Variants in EIF2B3 observed in about 807,000 individuals in gnomAD.
The protein encoded by EIF2B3 is eukaryotic translation initiation factor 2B subunit gamma.
In EIF2B3, 20 loss-of-function variants were observed where a neutral mutation model predicts 54.1. The ratio of observed to expected loss-of-function variants is 0.37; its 90% CI spans 0.26 to 0.54. EIF2B3 has a LOEUF of 0.54. EIF2B3 is among the 20% of genes least tolerant of loss of function. The pLI is 0.86. For missense variants in EIF2B3, 448 were observed against 547.8 expected (o/e 0.82, Z 1.82); for synonymous variants, 153 against 188.1 (o/e 0.81, Z 1.52).
intron 5 of EIF2B3, among the ~76,000 whole-genome samples, chr1:44,925,989 G>A (rs263981): frequency 0.25 from 38,542 of 151,676 alleles, 6,157 homozygotes; most frequent in African/African-American, 0.46. Flanking sequence ...GCACTTTGGG[G>A]GGCCGAGGTG....
At chr1:44,957,220 C>G (rs1009658002) in intron 3 of EIF2B3, among the ~76,000 whole-genome samples, 1 of 152,108 alleles carries the variant, frequency 6.6e-6, no homozygotes. Flanking sequence ...AAGGCGAGAT[C>G]GTGCCATGGC....
At chr1:44,885,707 C>T (rs1040888886) in intron 6 of EIF2B3, among the ~76,000 whole-genome samples, 1 of 151,828 alleles carries the variant, frequency 6.6e-6, no homozygotes, top group African/African-American at 2.4e-5. Context: ...GATCAAAATA[C>T]CTCTATAACA....
chr1:44,926,332 C>CT (rs371362827), intron 5 of EIF2B3, among the ~76,000 whole-genome samples: 32 of 148,546 alleles, frequency 2.2e-4, no homozygotes, highest in African/African-American at 5.9e-4. Flanking sequence ...TTTTTTACCA[C>CT]TTTTTTTTTT....
chr1:44,895,088 G>A (rs1655922285), intron 6 of EIF2B3, among the ~76,000 whole-genome samples: 1 of 152,114 alleles, frequency 6.6e-6, no homozygotes, highest in South Asian at 2.1e-4. Context: ...TTTGATTGTA[G>A]CGACTCTGAG....
rs964464593 is a variant in EIF2B3, at chr1:44,857,285, T to C, written c.1306+419A>G. 2.6e-5 allele frequency among the ~76,000 whole-genome samples: 4 copies of C among 152,192 alleles called. No homozygotes were observed. In the South Asian group the frequency reaches 8.3e-4, roughly 32 times the overall value. ...TGGCTTACGCCTGTAATCCCAGCAC[T>C]TTGGGAGGCTGAGGTGGGCAGTTCT... On this transcript the variant is annotated intron_variant, in intron 11 of 11. Coordinates refer to ENST00000360403, the MANE Select transcript of EIF2B3 (RefSeq NM_020365.5).
chr1:44,866,799 C>T (rs999808779), intron 10 of EIF2B3, among the ~76,000 whole-genome samples: 35 of 152,334 alleles, frequency 2.3e-4, no homozygotes, highest in African/African-American at 7.9e-4. Flanking sequence ...AGGTGATTGG[C>T]CCGCCTTGGC....
intron 5 of EIF2B3, among the ~76,000 whole-genome samples, chr1:44,925,773 A>G (rs1643838660): frequency 1.3e-5 from 2 of 151,994 alleles, no homozygotes; most frequent in Non-Finnish European, 2.9e-5. Flanking sequence ...AAAATACAAA[A>G]ATTAGCTGGG....
intron 4 of EIF2B3, among the ~76,000 whole-genome samples, chr1:44,940,151 T>C (rs1557695586): frequency 1.3e-5 from 2 of 152,180 alleles, no homozygotes; most frequent in Non-Finnish European, 2.9e-5. Flanking sequence ...CCTAAAATAT[T>C]AACTAGATTA....
At chr1:44,878,252 T>G (rs1416253766) in intron 8 of EIF2B3, among the ~76,000 whole-genome samples, 1 of 151,942 alleles carries the variant, frequency 6.6e-6, no homozygotes, top group Non-Finnish European at 1.5e-5. Context: ...TCTTCAGGAG[T>G]CAATCCCAAT....
chr1:44,942,380 TATATATATATATATATATATA>T (rs1644034118), intron 3 of EIF2B3, among the ~76,000 whole-genome samples: 1 of 8,548 alleles, frequency 1.2e-4, no homozygotes, highest in African/African-American at 7.7e-4. Flanking sequence ...TCTGATTTTA[TATATATATATATATATATATA>T]TATATATATA....
At chr1:44,919,715 C>CA (rs1553174181) in intron 5 of EIF2B3, among the ~76,000 whole-genome samples, 1 of 115,888 alleles carries the variant, frequency 8.6e-6, no homozygotes, top group Non-Finnish European at 1.7e-5. Context: ...ATTGAATGTC[C>CA]TTTTTTTTTT....
chr1:44,966,599 A>G (rs1644343965), intron 3 of EIF2B3, among the ~76,000 whole-genome samples: 2 of 152,142 alleles, frequency 1.3e-5, no homozygotes, highest in Admixed American at 6.6e-5. Flanking sequence ...ATCTTAAAAG[A>G]GGGGGCTCTA....
chr1:44,866,191 A>G (rs1654773432), intron 10 of EIF2B3, among the ~76,000 whole-genome samples: 1 of 151,976 alleles, frequency 6.6e-6, no homozygotes, highest in African/African-American at 2.4e-5. Flanking sequence ...GAGGTCAGGA[A>G]TTTGAGACCA....
At chr1:44,877,643 AG>A (rs1292799319) in intron 8 of EIF2B3, among the ~76,000 whole-genome samples, 1 of 152,200 alleles carries the variant, frequency 6.6e-6, no homozygotes, top group Non-Finnish European at 1.5e-5. Context: ...CCCAGCCAAA[AG>A]AAAACATGAA....
chr1:44,904,361 A>G (rs1643374161), intron 5 of EIF2B3, among the ~76,000 whole-genome samples: 1 of 152,230 alleles, frequency 6.6e-6, no homozygotes, highest in Non-Finnish European at 1.5e-5. Context: ...GTGGAACTGG[A>G]GCTTGAAACA....
chr1:44,894,352 C>T (rs1175794885), intron 6 of EIF2B3, among the ~76,000 whole-genome samples: 1 of 152,162 alleles, frequency 6.6e-6, no homozygotes, highest in African/African-American at 2.4e-5. Context: ...TTTCTTCTCT[C>T]TGCAGCTCTC....
intron 1 of EIF2B3, among the ~76,000 whole-genome samples, chr1:44,985,946 T>G (rs972629935): frequency 6.6e-6 from 1 of 152,156 alleles, no homozygotes; most frequent in Admixed American, 6.5e-5. Flanking sequence ...GGCAGAGACC[T>G]CACTGCTCCT....
At chr1:44,952,546 C>A (rs1192488997) in intron 3 of EIF2B3, among the ~76,000 whole-genome samples, 2 of 145,190 alleles carry the variant, frequency 1.4e-5, no homozygotes, top group Non-Finnish European at 3.0e-5. Flanking sequence ...AATTAAATGT[C>A]TTTTCTCCAA....
In EIF2B3 at chr1:44,897,384, T is replaced by A; in HGVS notation, c.627A>T (p.Lys209Asn). 1 of 1,613,650 alleles carries A rather than the reference T, an allele frequency of 6.2e-7. No homozygotes were observed. Among genetic ancestry groups the A allele is most frequent in the Non-Finnish European group, 8.5e-7 (1 of 1,179,798 alleles). ...LVDAHLYCLK[K>N]YIVDFLMENG... ...TTTCCATTAGGAAATCCACGATGTA[T>A]TTTTTCAAACAGTAGAGGTGGGCAT... The change falls in exon 6 of 12, where the codon AAA becomes AAT. Residue 209 changes from lysine to asparagine, a missense_variant. Physicochemically the swap from Lys to Asn is moderately conservative, Grantham distance 94. Coordinates refer to ENST00000360403, the MANE Select transcript of EIF2B3 (RefSeq NM_020365.5).
Sources: allele counts gnomAD v4.1 joint callset (sites outside exome capture counted in the v4.1 genomes callset), GRCh38; gene constraint gnomAD v4.1.1; transcripts MANE v1.5; gene names NCBI Gene and HGNC (gene_info 2026-07-23, HGNC 2026-07-21).